ASIC2: variants seen among roughly 807,000 people sequenced by gnomAD.
The protein encoded by ASIC2 is acid-sensing ion channel 2.
In ASIC2, 25 loss-of-function variants were observed where a neutral mutation model predicts 57.3. That is an observed-to-expected ratio of 0.44 (90% CI 0.32 to 0.61). ASIC2 has a LOEUF of 0.61. ASIC2 is among the 20% of genes least tolerant of loss of function. The pLI is 0.06. For missense variants in ASIC2, 641 were observed against 738.1 expected (o/e 0.87, Z 1.52); for synonymous variants, 319 against 307.5 (o/e 1.04, Z -0.39).
intron 1 of ASIC2, among the ~76,000 whole-genome samples, chr17:33,831,468 C>T (rs751917728): frequency 1.1e-4 from 16 of 152,010 alleles, no homozygotes; most frequent in Non-Finnish European, 2.1e-4. Context: ...AGACCAAGAC[C>T]ACACTGTCTT....
In ASIC2 at chr17:33,954,272, G is replaced by T. The variant is rs1214247612; in HGVS notation, c.555+201706C>A. Among the ~76,000 whole-genome samples, 3 of 149,978 alleles carry T rather than the reference G, an allele frequency of 2.0e-5. No homozygotes were observed. In the East Asian group the frequency reaches 5.8e-4, roughly 29 times the overall value. On this transcript the variant is annotated intron_variant, in intron 1 of 9. Coordinates refer to the ASIC2 transcript ENST00000359872. ...GATGGGGAGGAGTGTGTTGTGTGCA[G>T]CAGAATGTGGAAAGTTCTCAGGAGT...
chr17:34,072,571 A>C (rs1909456605), intron 1 of ASIC2, among the ~76,000 whole-genome samples: 1 of 152,258 alleles, frequency 6.6e-6, no homozygotes, highest in Admixed American at 6.5e-5. Context: ...CTAATAAAAT[A>C]ACAAAATGAA....
intron 1 of ASIC2, among the ~76,000 whole-genome samples, chr17:34,151,116 A>AAAT (rs1555535975): frequency 1.4e-5 from 2 of 147,516 alleles, no homozygotes; most frequent in African/African-American, 4.9e-5. Context: ...AAAAAAAAAA[A>AAAT]AAAAAAAAAT....
intron 1 of ASIC2, among the ~76,000 whole-genome samples, chr17:34,131,536 G>C (rs892493440): frequency 2.0e-5 from 3 of 152,146 alleles, no homozygotes; most frequent in African/African-American, 4.8e-5. Context: ...TCACCCTCCA[G>C]GACCTGAGCA....
intron 9 of ASIC2, among the ~76,000 whole-genome samples, 174 bp from the exon 10 acceptor site, chr17:33,014,240 C>T (rs1416338452): frequency 6.6e-6 from 1 of 152,142 alleles, no homozygotes; most frequent in Non-Finnish European, 1.5e-5. Context: ...TGAATGGAAT[C>T]CTTACCATTG....
chr17:33,717,957 T>G (rs34598553), intron 1 of ASIC2, among the ~76,000 whole-genome samples: 4,330 of 152,094 alleles, frequency 0.028, 204 homozygotes, highest in African/African-American at 0.099. Flanking sequence ...TCAAAAGGAG[T>G]GTTGAAGTGA....
At chr17:33,424,203 C>G (rs986185468) in intron 1 of ASIC2, among the ~76,000 whole-genome samples, 9 of 152,174 alleles carry the variant, frequency 5.9e-5, no homozygotes, top group African/African-American at 1.9e-4. Flanking sequence ...TCACTCCTGC[C>G]CCCAAGGGTT....
chr17:34,148,082 C>T (rs920432043), intron 1 of ASIC2, among the ~76,000 whole-genome samples: 11 of 152,152 alleles, frequency 7.2e-5, no homozygotes, highest in African/African-American at 2.7e-4. Context: ...AACTACAATA[C>T]AGAGGAGGAA....
At chr17:34,070,193 G>A (rs974794480) in intron 1 of ASIC2, 11 of 152,058 alleles carry the variant, frequency 7.2e-5, no homozygotes, top group African/African-American at 2.4e-4. Flanking sequence ...GCTGGTGCAC[G>A]AACAAGTTTT....
intron 3 of ASIC2, among the ~76,000 whole-genome samples, chr17:33,075,512 G>A (rs2092085941): frequency 2.6e-5 from 4 of 152,136 alleles, no homozygotes; most frequent in African/African-American, 9.7e-5. Flanking sequence ...GGAAAGGGGC[G>A]AGACAGTCTT....
At chr17:33,414,311 G>A (rs1191313197) in intron 1 of ASIC2, among the ~76,000 whole-genome samples, 1 of 152,176 alleles carries the variant, frequency 6.6e-6, no homozygotes, top group East Asian at 1.9e-4. Context: ...AGAGACTCCA[G>A]TAGGTAGAAA....
intron 1 of ASIC2, among the ~76,000 whole-genome samples, chr17:33,467,940 A>T (rs1912918878): frequency 6.6e-6 from 1 of 152,212 alleles, no homozygotes; most frequent in Non-Finnish European, 1.5e-5. Flanking sequence ...CTCAGAATAA[A>T]TCTCTTCAAA....
chr17:33,338,320 G>A (rs1233858768), intron 1 of ASIC2, among the ~76,000 whole-genome samples: 1 of 151,898 alleles, frequency 6.6e-6, no homozygotes, highest in African/African-American at 2.4e-5. Flanking sequence ...CTTTCCATTG[G>A]CCTCTCATGG....
intron 1 of ASIC2, among the ~76,000 whole-genome samples, chr17:33,680,033 CTG>C (rs1355173877): frequency 6.6e-6 from 1 of 151,974 alleles, no homozygotes; most frequent in Non-Finnish European, 1.5e-5. Flanking sequence ...TGGGATAGGG[CTG>C]TGTTATTGAT....
chr17:33,321,324 T>A (rs532263491), intron 1 of ASIC2, among the ~76,000 whole-genome samples: 2 of 152,344 alleles, frequency 1.3e-5, no homozygotes, highest in Non-Finnish European at 2.9e-5. Context: ...ATTCTTAGCA[T>A]GTTAAAGATA....
At chr17:34,076,298 C>A (rs1156784833) in intron 1 of ASIC2, among the ~76,000 whole-genome samples, 1 of 152,168 alleles carries the variant, frequency 6.6e-6, no homozygotes, top group East Asian at 1.9e-4. Context: ...AGCCACCACG[C>A]CTGGCCCTCT....
intron 1 of ASIC2, among the ~76,000 whole-genome samples, chr17:33,701,401 G>A (rs1908696173): frequency 6.6e-6 from 1 of 152,154 alleles, no homozygotes; most frequent in African/African-American, 2.4e-5. Flanking sequence ...TAAATAAATA[G>A]CTTGCTGAAA....
At chr17:33,596,069 C>G (rs776384891) in intron 1 of ASIC2, among the ~76,000 whole-genome samples, 1 of 152,114 alleles carries the variant, frequency 6.6e-6, no homozygotes, top group Non-Finnish European at 1.5e-5. Flanking sequence ...TGGCTTTTCT[C>G]GGAACTCCCT....
Position 33,506,435 on chromosome 17 carries a change from C to T in ASIC2, c.556-394368G>A, listed in dbSNP as rs369402634. 4.0e-4 allele frequency among the ~76,000 whole-genome samples: 60 copies of T among 148,976 alleles called. No individual in the cohort carries two copies. In the South Asian group the frequency reaches 0.012, roughly 31 times the overall value. Reference sequence around the variant, plus strand: ...CTCAAAAAAAAAAAAAAAAACTAGACAAAGACCTAAGTCATTAGGGTGTGT... The same window carrying T: ...CTCAAAAAAAAAAAAAAAAACTAGATAAAGACCTAAGTCATTAGGGTGTGT... On this transcript the variant is annotated intron_variant, in intron 1 of 9. Coordinates refer to the ASIC2 transcript ENST00000359872.
Sources: gnomAD v4.1 joint callset for allele counts (sites outside exome capture counted in the v4.1 genomes callset) on GRCh38, gnomAD v4.1.1 for gene constraint, MANE v1.5 for transcripts, NCBI Gene and HGNC (gene_info 2026-07-23, HGNC 2026-07-21) for gene names.